Variants in IFT74 observed in about 807,000 individuals in gnomAD.
IFT74 encodes the protein intraflagellar transport protein 74 homolog.
In IFT74, 92 loss-of-function variants were observed where a neutral mutation model predicts 96.7. The observed-to-expected ratio is 0.95, with a 90% CI of 0.80 to 1.13. IFT74 has a LOEUF of 1.13. IFT74 is among the 50% of genes most tolerant of loss of function. IFT74 has a pLI of 0.00. For missense variants in IFT74, 811 were observed against 698.2 expected (o/e 1.16, Z -1.82); for synonymous variants, 223 against 213.2 (o/e 1.05, Z -0.40).
At chr9:27,025,115 T>C (rs1587374047) in intron 12 of IFT74, among the ~76,000 whole-genome samples, 1 of 152,032 alleles carries the variant, frequency 6.6e-6, no homozygotes, top group South Asian at 2.1e-4. Flanking sequence ...CAAGGAAAAC[T>C]TCCCTGGCCT....
At chr9:27,011,145 C>T (rs898256512) in intron 9 of IFT74, among the ~76,000 whole-genome samples, 17 of 152,038 alleles carry the variant, frequency 1.1e-4, no homozygotes, top group Non-Finnish European at 2.4e-4. Context: ...CCCAGCTACT[C>T]GGGAGGCTGA....
At chr9:26,978,047 AAT>A (rs1827199686) in intron 2 of IFT74, 79 bp from the exon 3 acceptor site, 3 of 1,293,994 alleles carry the variant, frequency 2.3e-6, no homozygotes, top group Non-Finnish European at 2.1e-6. Context: ...TTTTTTAAAA[AAT>A]TGTCTTTGCA....
chr9:26,974,564 T>C (rs571680137), intron 2 of IFT74, among the ~76,000 whole-genome samples: 1 of 152,310 alleles, frequency 6.6e-6, no homozygotes, highest in Non-Finnish European at 1.5e-5. Context: ...CCTTAGATCT[T>C]CCATGTTTTC....
At chr9:26,948,930 T>G (rs1286172447) in intron 1 of IFT74, among the ~76,000 whole-genome samples, 6 of 152,000 alleles carry the variant, frequency 3.9e-5, no homozygotes, top group Admixed American at 2.0e-4. Flanking sequence ...CTCTATGCTC[T>G]TTGTACATGC....
intron 4 of IFT74, chr9:26,982,478 CAG>C (rs1827428483): frequency 6.5e-6 from 2 of 306,988 alleles, no homozygotes; most frequent in African/African-American, 3.1e-5. Context: ...TTTTTTGAGA[CAG>C]AGTTTTGCTC....
chr9:26,950,989 A>G (rs7034478), intron 1 of IFT74, among the ~76,000 whole-genome samples: 47,832 of 152,144 alleles, frequency 0.31, 8,783 homozygotes, highest in East Asian at 0.69. Context: ...AAAACAAATC[A>G]TTTATGTCAA....
intron 2 of IFT74, among the ~76,000 whole-genome samples, chr9:26,968,890 A>T (rs1826753309): frequency 6.7e-6 from 1 of 150,372 alleles, no homozygotes; most frequent in Non-Finnish European, 1.5e-5. Flanking sequence ...AATCTTTTAT[A>T]TTTTTTTTGT....
intron 12 of IFT74, among the ~76,000 whole-genome samples, chr9:27,027,854 T>G (rs1261114321): frequency 6.6e-6 from 1 of 152,184 alleles, no homozygotes; most frequent in African/African-American, 2.4e-5. Context: ...TTGCTCTTGC[T>G]TTTAGTGTCA....
chr9:27,010,713 C>A lies in IFT74; in HGVS notation c.727-1193C>A, dbSNP rs567787038. On this transcript the variant is annotated intron_variant, in intron 9 of 19. Transcript: ENST00000380062. ...TCACCGTGTTAGCCAGGTGATCCGC[C>A]CCCCTCGGCTTCCCAAAGTGCTGGT... 3.0e-4 allele frequency among the ~76,000 whole-genome samples: 45 copies of A among 148,126 alleles called. No homozygotes were observed. In the South Asian group the frequency reaches 4.0e-3, roughly 13 times the overall value.
chr9:26,961,947 A>G lies in IFT74; in HGVS notation c.-19-2A>G. 6.2e-7 allele frequency: 1 copy of G among 1,614,010 alleles called. No homozygotes were observed. Among genetic ancestry groups the G allele is most frequent in the Non-Finnish European group, 8.5e-7 (1 of 1,179,878 alleles). On this transcript the variant is annotated splice_acceptor_variant, in intron 1 of 19. Coordinates refer to ENST00000380062, the MANE Select transcript of IFT74 (RefSeq NM_025103.4). LOFTEE classifies it low-confidence loss of function (5UTR_SPLICE). ...ATTGAACTATTTATTGTTTCCAAAC[A>G]GCGATTAAAGTGAAGAAACAATGGC...
chr9:26,957,041 G>A (rs1826139303), intron 1 of IFT74, among the ~76,000 whole-genome samples: 1 of 152,218 alleles, frequency 6.6e-6, no homozygotes, highest in Non-Finnish European at 1.5e-5. Context: ...GGTTAATTAA[G>A]GTGGCAAGAT....
intron 13 of IFT74, chr9:27,036,544 T>C: frequency 6.2e-7 from 1 of 1,611,074 alleles, no homozygotes; most frequent in South Asian, 1.1e-5. Flanking sequence ...CTATGCTGAA[T>C]CCATTTGAAC....
At chr9:26,991,421 C>T (rs1327314057) in intron 8 of IFT74, among the ~76,000 whole-genome samples, 1 of 151,998 alleles carries the variant, frequency 6.6e-6, no homozygotes, top group Non-Finnish European at 1.5e-5. Flanking sequence ...GGTCTTATTA[C>T]GTTGCTCAGG....
chr9:27,042,999 T>C (rs1819543477), intron 13 of IFT74, among the ~76,000 whole-genome samples: 1 of 152,342 alleles, frequency 6.6e-6, no homozygotes, highest in African/African-American at 2.4e-5. Context: ...GTTTGTTTAA[T>C]AACAGAGTAC....
chr9:27,021,660 A>G (rs1193572797), intron 12 of IFT74, among the ~76,000 whole-genome samples: 1 of 151,548 alleles, frequency 6.6e-6, no homozygotes, highest in Non-Finnish European at 1.5e-5. Context: ...TCCTTAGCCC[A>G]CTTTTCACTT....
At chr9:26,984,835 G>C (rs1437248561) in intron 6 of IFT74, among the ~76,000 whole-genome samples, 1 of 152,144 alleles carries the variant, frequency 6.6e-6, no homozygotes, top group Non-Finnish European at 1.5e-5. Flanking sequence ...CAGAGAAAAG[G>C]GAATGCTTAT....
intron 12 of IFT74, among the ~76,000 whole-genome samples, chr9:27,024,884 C>T (rs545635908): frequency 2.0e-5 from 3 of 150,312 alleles, no homozygotes; most frequent in South Asian, 2.1e-4. Context: ...AAAGTTTCAA[C>T]GATAGAATCA....
At chr9:27,058,887 G>A (rs1383176398) in intron 18 of IFT74, among the ~76,000 whole-genome samples, 1 of 152,178 alleles carries the variant, frequency 6.6e-6, no homozygotes, top group Non-Finnish European at 1.5e-5. Flanking sequence ...CCTAGATATA[G>A]ACTTATAATT....
rs1182054416 is a variant in IFT74, at chr9:27,065,572, C to G, written c.*2836C>G. Among the ~76,000 whole-genome samples the G allele has an allele frequency of 6.6e-6, 1 of 152,022 alleles. No homozygotes were observed. Among genetic ancestry groups the G allele is most frequent in the Non-Finnish European group, 1.5e-5 (1 of 67,996 alleles). On this transcript the variant is annotated 3_prime_UTR_variant, in exon 20 of 20. Transcript: ENST00000380062. ...CTTGATATTCTTTTTCCTGTGGAGC[C>G]CCTCGTTTGGACAATACTATAGTCT...
Sources: allele counts gnomAD v4.1 joint callset (sites outside exome capture counted in the v4.1 genomes callset), GRCh38; gene constraint gnomAD v4.1.1; transcripts MANE v1.5; gene names NCBI Gene and HGNC (gene_info 2026-07-23, HGNC 2026-07-21).